Variants in EIF3A observed in about 807,000 individuals in gnomAD.
EIF3A encodes the protein EIF3, p180 subunit.
A neutral mutation model predicts 186.6 loss-of-function variants in EIF3A; 21 were observed. The ratio of observed to expected loss-of-function variants is 0.11; its 90% CI spans 0.08 to 0.16. The LOEUF (loss-of-function observed/expected upper bound fraction) is 0.16, where lower values mean the gene tolerates loss of function less well. Among genes scored for constraint, EIF3A ranks in the 10% least tolerant of loss-of-function variants. EIF3A has a pLI of 1.00. For missense variants in EIF3A, 1,306 were observed against 1,796.3 expected, an observed-to-expected ratio of 0.73 and a Z score of 4.93; for synonymous variants, 563 against 584.3, an observed-to-expected ratio of 0.96 and a Z score of 0.52.
intron 6 of EIF3A, among the ~76,000 whole-genome samples, chr10:119,066,071 G>C (rs555142487): frequency 6.8e-6 from 1 of 147,460 alleles, no homozygotes; most frequent in Admixed American, 6.7e-5. Context: ...AGCCAAGATC[G>C]CGCCACTGCA....
intron 14 of EIF3A, among the ~76,000 whole-genome samples, chr10:119,054,712 G>A (rs1274879691): frequency 1.1e-4 from 14 of 129,744 alleles, no homozygotes; most frequent in South Asian, 2.8e-4. Flanking sequence ...GGGCAACAAC[G>A]GCGAAACTCC....
At chr10:119,076,596 CAGTCTTCTCCT>C (rs1844178174) in intron 1 of EIF3A, among the ~76,000 whole-genome samples, 1 of 152,036 alleles carries the variant, frequency 6.6e-6, no homozygotes, top group Non-Finnish European at 1.5e-5. Context: ...AAAAAACTTG[CAGTCTTCTCCT>C]GGTCTTCTCC....
chr10:119,071,792 G>A (rs1260729458), intron 4 of EIF3A, among the ~76,000 whole-genome samples: 1 of 152,072 alleles, frequency 6.6e-6, no homozygotes, highest in African/African-American at 2.4e-5. Flanking sequence ...TTGGGAGGCC[G>A]AGGTGGGTGG....
chr10:119,040,445 C>G (rs1848192649), intron 19 of EIF3A, among the ~76,000 whole-genome samples: 2 of 152,148 alleles, frequency 1.3e-5, no homozygotes, highest in African/African-American at 4.8e-5. Flanking sequence ...TGGGCGTGAA[C>G]AAGTGCACGT....
intron 12 of EIF3A, among the ~76,000 whole-genome samples, 182 bp downstream of exon 12, chr10:119,057,774 C>CA (rs1040146745): frequency 1.3e-4 from 20 of 151,498 alleles, no homozygotes; most frequent in South Asian, 1.0e-3. Context: ...TACTCCGTCT[C>CA]AAAAAAAACA....
At chr10:119,045,749 A>T (rs1413921940) in intron 17 of EIF3A, among the ~76,000 whole-genome samples, 1 of 152,090 alleles carries the variant, frequency 6.6e-6, no homozygotes, top group Non-Finnish European at 1.5e-5. Flanking sequence ...TTTTTTGTGG[A>T]GACAGGGTCT....
chr10:119,045,050 T>C (rs1389021575), intron 17 of EIF3A, among the ~76,000 whole-genome samples: 11 of 151,852 alleles, frequency 7.2e-5, no homozygotes, highest in African/African-American at 2.7e-4. Context: ...ATTCAAGCTA[T>C]TCTTGAGCCT....
chr10:119,062,532 G>A (rs575345872), intron 7 of EIF3A, among the ~76,000 whole-genome samples: 80 of 152,084 alleles, frequency 5.3e-4, no homozygotes, highest in Middle Eastern at 3.4e-3. Flanking sequence ...GACACTAACT[G>A]GTATCCTTCT....
intron 14 of EIF3A, among the ~76,000 whole-genome samples, chr10:119,056,431 C>A (rs1162958913): frequency 6.6e-6 from 1 of 152,158 alleles, no homozygotes; most frequent in African/African-American, 2.4e-5. Context: ...GTGGAGATGG[C>A]TGCACAATTC....
chr10:119,056,733 A>G lies in EIF3A; in HGVS notation c.2196+7T>C, dbSNP rs756862788. ...CTAAAAATATTACAATTAAATAAAAAACTTACTCTTTCTTCCTCTTGTTGC... is the reference window on the plus strand; with the variant it reads ...CTAAAAATATTACAATTAAATAAAAGACTTACTCTTTCTTCCTCTTGTTGC... On this transcript the variant is annotated splice_region_variant and intron_variant, in intron 14 of 21. Transcript: ENST00000369144. 7.8e-6 allele frequency: 12 copies of G among 1,536,212 alleles called. No individual in the cohort carries two copies. The South Asian group carries it at 1.3e-4, about 16-fold the overall frequency.
intron 11 of EIF3A, 93 bp from the exon 12 acceptor site, chr10:119,058,396 C>G: frequency 1.2e-6 from 1 of 836,082 alleles, no homozygotes; most frequent in Non-Finnish European, 1.8e-6. Context: ...TGATGTACTG[C>G]CTTTCTATGT....
intron 20 of EIF3A, among the ~76,000 whole-genome samples, chr10:119,037,698 T>C (rs1457430104): frequency 6.6e-6 from 1 of 152,070 alleles, no homozygotes. Context: ...CAAGGACACT[T>C]TGGCAGCGGG....
At chr10:119,059,165 G>T (rs1041295950) in intron 11 of EIF3A, 47 bp downstream of exon 11, 2 of 1,494,040 alleles carry the variant, frequency 1.3e-6, no homozygotes, top group East Asian at 2.3e-5. Context: ...ATGGCGTTAA[G>T]AGTCCCTCAA....
chr10:119,066,710 G>A (rs772383797), intron 6 of EIF3A, among the ~76,000 whole-genome samples: 2 of 151,954 alleles, frequency 1.3e-5, no homozygotes, highest in African/African-American at 2.4e-5. Context: ...CAAAGACTGC[G>A]AGCCCTGGAG....
At chr10:119,044,729 T>A (rs1848259025) in intron 17 of EIF3A, among the ~76,000 whole-genome samples, 3 of 152,088 alleles carry the variant, frequency 2.0e-5, no homozygotes, top group Admixed American at 2.0e-4. Context: ...GCGCCTGTAG[T>A]CCCAGCTACT....
At chr10:119,070,616 C>T (rs775232659) in intron 5 of EIF3A, among the ~76,000 whole-genome samples, 5 of 152,188 alleles carry the variant, frequency 3.3e-5, no homozygotes, top group Non-Finnish European at 5.9e-5. Flanking sequence ...AACCACACTT[C>T]GAGCAGCACT....
chr10:119,055,461 GAC>G (rs1477614602), intron 14 of EIF3A, among the ~76,000 whole-genome samples: 1 of 152,196 alleles, frequency 6.6e-6, no homozygotes, highest in Non-Finnish European at 1.5e-5. Flanking sequence ...ACCAAAATGT[GAC>G]AGAGACATGA....
At chr10:119,049,059 G>A (rs754444511) in intron 17 of EIF3A, among the ~76,000 whole-genome samples, 1 of 152,128 alleles carries the variant, frequency 6.6e-6, no homozygotes, top group South Asian at 2.1e-4. Context: ...ACACGCATGC[G>A]CAAAAGTATG....
intron 1 of EIF3A, among the ~76,000 whole-genome samples, chr10:119,079,716 T>C (rs115163197): frequency 3.9e-4 from 60 of 152,204 alleles, no homozygotes; most frequent in African/African-American, 1.4e-3. Context: ...CAAGCGCCAA[T>C]GGCTGAAGTA....
Sources: gnomAD v4.1 joint callset for allele counts (sites outside exome capture counted in the v4.1 genomes callset) on GRCh38, gnomAD v4.1.1 for gene constraint, MANE v1.5 for transcripts, NCBI Gene and HGNC (gene_info 2026-07-23, HGNC 2026-07-21) for gene names.